Variants in CALN1 observed in about 807,000 individuals in gnomAD.
CALN1 encodes calneuron 1, also known as calcium-binding protein 8.
CALN1 carries 17 observed loss-of-function variants against 30.6 expected under a neutral mutation model. The observed-to-expected ratio is 0.56, with a 90% CI of 0.38 to 0.83. CALN1 has a LOEUF of 0.83. CALN1 is among the 40% of genes least tolerant of loss of function. The pLI, the probability that CALN1 is intolerant of heterozygous loss-of-function variation, is 0.00. For synonymous variants in CALN1, 156 were observed against 131.4 expected (o/e 1.19, Z -1.28); for missense variants, 291 against 354.9 (o/e 0.82, Z 1.45).
At chr7:71,792,912 G>A (rs984737169) in intron 6 of CALN1, among the ~76,000 whole-genome samples, 22 of 151,888 alleles carry the variant, frequency 1.4e-4, no homozygotes, top group Admixed American at 4.6e-4. Flanking sequence ...CCAGGAGAGC[G>A]GGGCTGCAAG....
intron 5 of CALN1, among the ~76,000 whole-genome samples, chr7:71,856,330 C>T (rs958613920): frequency 5.3e-5 from 8 of 151,718 alleles, no homozygotes; most frequent in African/African-American, 1.9e-4. Context: ...ACTCTGTGGC[C>T]CAGGTTGGAG....
At chr7:71,971,295 A>T (rs1797784418) in intron 5 of CALN1, among the ~76,000 whole-genome samples, 1 of 152,022 alleles carries the variant, frequency 6.6e-6, no homozygotes, top group Non-Finnish European at 1.5e-5. Flanking sequence ...CTAAAAATAC[A>T]AAAAATTAGC....
At chr7:72,068,622 G>C (rs895636608) in intron 4 of CALN1, among the ~76,000 whole-genome samples, 1 of 152,138 alleles carries the variant, frequency 6.6e-6, no homozygotes, top group African/African-American at 2.4e-5. Flanking sequence ...CAAGTAGCTA[G>C]GATAACAGAC....
At chr7:72,406,936 A>G (rs1455950525) in intron 1 of CALN1, among the ~76,000 whole-genome samples, 1 of 152,052 alleles carries the variant, frequency 6.6e-6, no homozygotes, top group Admixed American at 6.6e-5. Flanking sequence ...TTTCATTCCA[A>G]TAGGTGACCT....
chr7:71,846,373 T>C (rs1226956235), intron 5 of CALN1, among the ~76,000 whole-genome samples: 1 of 152,062 alleles, frequency 6.6e-6, no homozygotes, highest in Non-Finnish European at 1.5e-5. Context: ...TCCATGGTCA[T>C]GAAATAATGA....
intron 3 of CALN1, among the ~76,000 whole-genome samples, chr7:72,235,778 T>C (rs1794438095): frequency 6.8e-6 from 1 of 147,662 alleles, no homozygotes; most frequent in Non-Finnish European, 1.5e-5. Flanking sequence ...CCCTTGGCCA[T>C]GTAGCCCTGG....
At chr7:72,256,847 T>A (rs1442285859) in intron 3 of CALN1, among the ~76,000 whole-genome samples, 1 of 152,072 alleles carries the variant, frequency 6.6e-6, no homozygotes, top group Non-Finnish European at 1.5e-5. Context: ...CCTTACTCCT[T>A]CCCTCTGACA....
chr7:72,054,544 CAT>C (rs35330773), intron 4 of CALN1, among the ~76,000 whole-genome samples: 8,983 of 94,988 alleles, frequency 0.095, 997 homozygotes, highest in African/African-American at 0.2. Context: ...TATATATATA[CAT>C]ATATATATAT....
chr7:71,810,556 A>G (rs1372823603), intron 5 of CALN1, 64 bp from the exon 6 acceptor site: 1 of 1,549,520 alleles, frequency 6.5e-7, no homozygotes, highest in African/African-American at 1.4e-5. Context: ...GGCTCGGGCC[A>G]TGACAGGCCA....
chr7:71,848,987 G>A (rs1220444061), intron 5 of CALN1, among the ~76,000 whole-genome samples: 1 of 152,020 alleles, frequency 6.6e-6, no homozygotes, highest in African/African-American at 2.4e-5. Flanking sequence ...TTTTTAATTT[G>A]TTATGGTGGC....
intron 3 of CALN1, among the ~76,000 whole-genome samples, chr7:72,191,552 CAAAAAA>C (rs55780039): frequency 1.4e-4 from 10 of 72,490 alleles, no homozygotes; most frequent in South Asian, 4.8e-4. Flanking sequence ...GACTCCGTCT[CAAAAAA>C]AAAAAAAAAA....
chr7:71,991,367 G>A (rs1798942418), intron 5 of CALN1, among the ~76,000 whole-genome samples: 2 of 151,900 alleles, frequency 1.3e-5, no homozygotes, highest in African/African-American at 4.8e-5. Flanking sequence ...GCTGTGACAG[G>A]AGAATCACTT....
At position 72,391,502 on chromosome 7, in the gene CALN1, A is replaced by C. The variant is rs77580390; in HGVS notation, c.119+11749T>G. On this transcript the variant is annotated intron_variant, in intron 2 of 6. Transcript: ENST00000395275. Reference sequence around the variant, plus strand: ...TGAAGAAGAAGTGTGGTAGTTTTAAAATATGGCCCCTGATATAATTTGGCT... The same window carrying C: ...TGAAGAAGAAGTGTGGTAGTTTTAACATATGGCCCCTGATATAATTTGGCT... Among the ~76,000 whole-genome samples the C allele has an allele frequency of 1.5e-3, 235 of 152,250 alleles. 1 individual carries two copies. The highest frequency in any genetic ancestry group is 2.7e-3 in the Non-Finnish European group (186 of 68,016).
chr7:71,971,140 T>TAA (rs751128801), intron 5 of CALN1, among the ~76,000 whole-genome samples: 5 of 152,064 alleles, frequency 3.3e-5, no homozygotes, highest in Non-Finnish European at 5.9e-5. Flanking sequence ...AGGCACGCTA[T>TAA]AAAAAGAGGC....
intron 4 of CALN1, among the ~76,000 whole-genome samples, chr7:72,042,622 G>A (rs1430134324): frequency 6.6e-6 from 1 of 152,134 alleles, no homozygotes. Flanking sequence ...TATAACCCCA[G>A]CACTTTGGGA....
intron 2 of CALN1, among the ~76,000 whole-genome samples, chr7:72,326,255 C>A (rs1052754048): frequency 4.6e-5 from 7 of 152,162 alleles, no homozygotes; most frequent in Non-Finnish European, 1.0e-4. Flanking sequence ...ATCGTCCTTG[C>A]ACAAAGGTTG....
rs1295541123 is a variant in CALN1, at chr7:72,184,236, C to T, written c.245-77942G>A. 5.3e-5 allele frequency among the ~76,000 whole-genome samples: 8 copies of T among 152,180 alleles called. No individual in the cohort carries two copies. The East Asian group carries it at 9.6e-4, about 18-fold the overall frequency. ...ACATATCTGGAGCCATTATCTTTTA[C>T]GTCATTTATTGACTGTGGACCCGGA... On this transcript the variant is annotated intron_variant, in intron 3 of 6. Transcript: ENST00000395275.
chr7:72,409,965 T>C (rs1258665609), intron 1 of CALN1, among the ~76,000 whole-genome samples: 1 of 152,240 alleles, frequency 6.6e-6, no homozygotes. Flanking sequence ...GGTCCTTTCC[T>C]CTAAAACCCT....
intron 5 of CALN1, among the ~76,000 whole-genome samples, chr7:71,822,322 C>G (rs1302750606): frequency 6.6e-6 from 1 of 152,086 alleles, no homozygotes; most frequent in Non-Finnish European, 1.5e-5. Context: ...GATCTTGGCT[C>G]ACTGCAACCT....
Sources: allele counts gnomAD v4.1 joint callset (sites outside exome capture counted in the v4.1 genomes callset), GRCh38; gene constraint gnomAD v4.1.1; transcripts MANE v1.5; gene names NCBI Gene and HGNC (gene_info 2026-07-23, HGNC 2026-07-21).